GPC6: variants seen among roughly 807,000 people sequenced by gnomAD.
GPC6 encodes the protein glypican 6.
In GPC6, 14 loss-of-function variants were observed where a neutral mutation model predicts 55.2. The ratio of observed to expected loss-of-function variants is 0.25; its 90% CI spans 0.17 to 0.40. The LOEUF (loss-of-function observed/expected upper bound fraction) is 0.40, where lower values mean the gene tolerates loss of function less well. Among genes scored for constraint, GPC6 ranks in the 10% least tolerant of loss-of-function variants. GPC6 has a pLI of 1.00. For synonymous variants in GPC6, 278 were observed against 259.6 expected, an observed-to-expected ratio of 1.07 and a Z score of -0.68; for missense variants, 641 against 708.5, an observed-to-expected ratio of 0.90 and a Z score of 1.08.
At chr13:93,544,453 C>T (rs1276011042) in intron 1 of GPC6, among the ~76,000 whole-genome samples, 1 of 152,156 alleles carries the variant, frequency 6.6e-6, no homozygotes, top group Non-Finnish European at 1.5e-5. Flanking sequence ...TTCCATTCTT[C>T]CCTCCACAGG....
intron 2 of GPC6, among the ~76,000 whole-genome samples, chr13:93,660,066 A>C (rs1393501180): frequency 6.6e-6 from 1 of 152,070 alleles, no homozygotes; most frequent in Non-Finnish European, 1.5e-5. Context: ...TTTGTAACTG[A>C]AAGAACAGAA....
At chr13:94,118,207 T>C (rs1424492210) in intron 4 of GPC6, among the ~76,000 whole-genome samples, 1 of 152,048 alleles carries the variant, frequency 6.6e-6, no homozygotes, top group African/African-American at 2.4e-5. Flanking sequence ...AATGGAATCA[T>C]AGGGGCAGTT....
chr13:94,097,401 G>C (rs1885702964), intron 4 of GPC6, among the ~76,000 whole-genome samples: 1 of 151,908 alleles, frequency 6.6e-6, no homozygotes, highest in Non-Finnish European at 1.5e-5. Flanking sequence ...CAGCTACCGA[G>C]GAGGCTGAGG....
At chr13:93,231,356 T>TAC (rs1566533321) in intron 1 of GPC6, among the ~76,000 whole-genome samples, 17 of 28,012 alleles carry the variant, frequency 6.1e-4, no homozygotes, top group African/African-American at 3.0e-3. Context: ...CATATATATA[T>TAC]ATACGTATAT....
intron 6 of GPC6, among the ~76,000 whole-genome samples, chr13:94,328,724 G>T (rs1033761907): frequency 1.3e-5 from 2 of 152,214 alleles, no homozygotes; most frequent in African/African-American, 4.8e-5. Context: ...GTATTTCAGG[G>T]AAAGGAAAGG....
intron 1 of GPC6, among the ~76,000 whole-genome samples, chr13:93,487,554 G>A (rs1879774812): frequency 6.6e-6 from 1 of 152,074 alleles, no homozygotes; most frequent in African/African-American, 2.4e-5. Context: ...GGAGGAACGA[G>A]GGGGTAAGGA....
At position 94,130,414 on chromosome 13, in the gene GPC6, C is replaced by A. The variant is rs537637816; in HGVS notation, c.877+102520C>A. The stretch of plus-strand genomic sequence containing the variant: ...AAATCATAATTCAGAAAGAAAAGTA[C>A]AAGAGTAAGTAAGTGTTAATACCAT... On this transcript the variant is annotated intron_variant, in intron 4 of 8. Transcript: ENST00000377047. 2.0e-5 allele frequency among the ~76,000 whole-genome samples: 3 copies of A among 151,964 alleles called. No individual in the cohort carries two copies. In the South Asian group the frequency reaches 6.2e-4, roughly 32 times the overall value.
intron 3 of GPC6, among the ~76,000 whole-genome samples, chr13:93,848,544 C>T (rs1888281999): frequency 6.6e-6 from 1 of 152,108 alleles, no homozygotes; most frequent in Non-Finnish European, 1.5e-5. Flanking sequence ...GATGAGGTTA[C>T]TGTCCTGTTT....
chr13:94,128,637 A>ACAACTC (rs1017999034), intron 4 of GPC6, among the ~76,000 whole-genome samples: 5 of 152,144 alleles, frequency 3.3e-5, no homozygotes, highest in Non-Finnish European at 7.4e-5. Flanking sequence ...ACAGAGTGTT[A>ACAACTC]CAACTCGCTG....
intron 1 of GPC6, among the ~76,000 whole-genome samples, chr13:93,384,351 AT>A (rs1004525143): frequency 1.3e-5 from 2 of 150,012 alleles, no homozygotes; most frequent in Admixed American, 6.7e-5. Flanking sequence ...TGTTTTAGAT[AT>A]TTTTTTCATT....
At chr13:94,009,629 G>A (rs1415765771) in intron 3 of GPC6, among the ~76,000 whole-genome samples, 4 of 152,020 alleles carry the variant, frequency 2.6e-5, no homozygotes, top group South Asian at 2.1e-4. Flanking sequence ...CTCTGTACAC[G>A]TCTCCCTAAG....
chr13:94,156,213 C>G (rs1887931293), intron 4 of GPC6, among the ~76,000 whole-genome samples: 1 of 152,014 alleles, frequency 6.6e-6, no homozygotes, highest in African/African-American at 2.4e-5. Flanking sequence ...CCTGGCAAGT[C>G]CTAGCATTAT....
intron 4 of GPC6, among the ~76,000 whole-genome samples, chr13:94,109,114 T>A (rs1289011564): frequency 6.6e-6 from 1 of 152,254 alleles, no homozygotes; most frequent in Non-Finnish European, 1.5e-5. Context: ...ATTGCTTAAC[T>A]ATGTGAAATT....
intron 3 of GPC6, among the ~76,000 whole-genome samples, chr13:93,931,071 T>C (rs1878145389): frequency 6.6e-6 from 1 of 152,120 alleles, no homozygotes; most frequent in African/African-American, 2.4e-5. Context: ...GCTAGCCCAT[T>C]CAAGAGAACT....
intron 2 of GPC6, among the ~76,000 whole-genome samples, chr13:93,792,189 A>G (rs1161731879): frequency 6.6e-6 from 1 of 152,220 alleles, no homozygotes; most frequent in Non-Finnish European, 1.5e-5. Context: ...TGCAGGTGAT[A>G]TTCTCACCTC....
intron 4 of GPC6, among the ~76,000 whole-genome samples, chr13:94,235,065 G>A (rs1373865699): frequency 7.2e-5 from 11 of 152,064 alleles, no homozygotes; most frequent in Admixed American, 7.2e-4. Context: ...TGTACTGTAT[G>A]CTTAAAATTG....
At position 93,561,404 on chromosome 13, in the gene GPC6, GATAT is replaced by G. The variant is rs66957373; in HGVS notation, c.319+16002_319+16005del. Among the ~76,000 whole-genome samples the G allele has an allele frequency of 7.9e-4, 83 of 104,472 alleles. 1 individual carries two copies. Among genetic ancestry groups the G allele is most frequent in the Non-Finnish European group, 1.0e-3 (50 of 49,510 alleles). 68.5% of individuals were successfully genotyped at this position (104,472 alleles called of 152,430 possible). ...AATAATTGCATACTATATCCCTATC[GATAT>G]ATATATATATATATATATTTGTTGC... On this transcript the variant is annotated intron_variant, in intron 2 of 8. Transcript: ENST00000377047.
chr13:93,935,210 C>A (rs1292211880), intron 3 of GPC6, among the ~76,000 whole-genome samples: 2 of 152,084 alleles, frequency 1.3e-5, no homozygotes, highest in Non-Finnish European at 2.9e-5. Context: ...GTACCCATCA[C>A]CCCAATATAG....
intron 4 of GPC6, among the ~76,000 whole-genome samples, chr13:94,172,920 G>A (rs1721330191): frequency 6.6e-6 from 1 of 152,182 alleles, no homozygotes. Context: ...GATAGAGGCT[G>A]TCAACTCATA....
Sources: gnomAD v4.1 joint callset for allele counts (sites outside exome capture counted in the v4.1 genomes callset) on GRCh38, gnomAD v4.1.1 for gene constraint, MANE v1.5 for transcripts, NCBI Gene and HGNC (gene_info 2026-07-23, HGNC 2026-07-21) for gene names.